POR: variants seen among roughly 807,000 people sequenced by gnomAD.
POR encodes NADPH--cytochrome P450 reductase.
POR carries 56 observed loss-of-function variants against 84.0 expected under a neutral mutation model. The ratio of observed to expected loss-of-function variants is 0.67; its 90% CI spans 0.54 to 0.83. POR has a LOEUF of 0.83. Ranked by LOEUF, POR falls within the 40% of genes least tolerant of loss-of-function variation. POR has a pLI of 0.00. For missense variants in POR, 938 were observed against 944.3 expected (o/e 0.99, Z 0.09); for synonymous variants, 414 against 400.5 (o/e 1.03, Z -0.40).
At position 75,935,538 on chromosome 7, in the gene POR, G is replaced by A. The variant is rs1368431164; in HGVS notation, c.-4-18451G>A. ...TGGGATTATAGGCTTGAGCCACTGC[G>A]CCTGGCTGGAGGGACCGGTTTTTTA... On this transcript the variant is annotated intron_variant, in intron 1 of 15. Coordinates refer to ENST00000461988, the MANE Select transcript of POR (RefSeq NM_000941.3). 5.3e-5 allele frequency among the ~76,000 whole-genome samples: 8 copies of A among 151,722 alleles called. No individual in the cohort carries two copies. In the South Asian group the frequency reaches 1.0e-3, roughly 20 times the overall value.
intron 1 of POR, among the ~76,000 whole-genome samples, chr7:75,953,080 G>T (rs1387613637): frequency 6.6e-6 from 1 of 152,194 alleles, no homozygotes; most frequent in African/African-American, 2.4e-5. Context: ...ACCTCGGGAG[G>T]CCGAGGCTGG....
chr7:75,963,401 A>C, intron 2 of POR, among the ~76,000 whole-genome samples: 1 of 152,172 alleles, frequency 6.6e-6, no homozygotes, highest in East Asian at 1.9e-4. Context: ...CTGACCTCCA[A>C]AGGGACCTCG....
At chr7:75,921,844 C>G (rs577361131) in intron 1 of POR, among the ~76,000 whole-genome samples, 66 of 151,948 alleles carry the variant, frequency 4.3e-4, no homozygotes, top group African/African-American at 1.4e-3. Flanking sequence ...GTAGCTGGCA[C>G]TACAGGCACG....
rs782815097 is a variant in POR at position 75,986,207 on chromosome 7, T to C, written c.1864T>C (p.Leu622=). ...GCAAGACCGAGAGCACCTGTGGAAG[T>C]TGATCGAAGGCGGTGCCCACATCTA... The change falls in exon 15 of 16, where the codon TTG becomes CTG. Residue 622 remains leucine (L), a synonymous_variant. Coordinates refer to ENST00000461988, the MANE Select transcript of POR (RefSeq NM_000941.3). The C allele has an allele frequency of 6.2e-7, 1 of 1,612,598 alleles. No homozygotes were observed. Among genetic ancestry groups the C allele is most frequent in the Non-Finnish European group, 8.5e-7 (1 of 1,179,770 alleles).
intron 2 of POR, among the ~76,000 whole-genome samples, chr7:75,963,578 GA>G (rs1235407276): frequency 1.3e-5 from 2 of 152,258 alleles, no homozygotes; most frequent in Non-Finnish European, 2.9e-5. Context: ...GGGTGCAGGA[GA>G]GGGAGCTGTG....
At chr7:75,969,795 C>T (rs1204803671) in intron 2 of POR, among the ~76,000 whole-genome samples, 11 of 152,212 alleles carry the variant, frequency 7.2e-5, no homozygotes, top group African/African-American at 1.4e-4. Context: ...GGAGGAGACA[C>T]GGCGTCCTGT....
intron 2 of POR, among the ~76,000 whole-genome samples, chr7:75,970,073 C>T (rs900214622): frequency 4.6e-5 from 7 of 152,086 alleles, no homozygotes; most frequent in Non-Finnish European, 7.4e-5. Context: ...CAGGGAGCCG[C>T]GTGGAAATGT....
At chr7:75,937,643 G>A (rs556340730) in intron 1 of POR, among the ~76,000 whole-genome samples, 1 of 150,178 alleles carries the variant, frequency 6.7e-6, no homozygotes, top group African/African-American at 2.4e-5. Context: ...TTAGCCAGGC[G>A]TGGTGGCAGG....
intron 3 of POR, among the ~76,000 whole-genome samples, chr7:75,979,192 C>T (rs1341952201): frequency 6.6e-6 from 1 of 152,194 alleles, no homozygotes; most frequent in Non-Finnish European, 1.5e-5. Context: ...TTTGTTTTTT[C>T]CCCGTGTCAT....
chr7:75,938,303 A>T (rs952334232), intron 1 of POR, among the ~76,000 whole-genome samples: 2 of 152,130 alleles, frequency 1.3e-5, no homozygotes, highest in Non-Finnish European at 2.9e-5. Context: ...GACTGCATTG[A>T]TATTAGGGGT....
chr7:75,969,467 G>A (rs1411056769), intron 2 of POR, among the ~76,000 whole-genome samples: 1 of 152,190 alleles, frequency 6.6e-6, no homozygotes, highest in Non-Finnish European at 1.5e-5. Context: ...AGGTTGTCTC[G>A]TTCTAGTCTC....
intron 1 of POR, among the ~76,000 whole-genome samples, chr7:75,945,994 C>T (rs138150139): frequency 1.2e-4 from 19 of 152,276 alleles, no homozygotes; most frequent in Middle Eastern, 3.4e-3. Context: ...GAGGCTCCTG[C>T]CAGTGCCCCC....
At chr7:75,944,466 G>T (rs1242863076) in intron 1 of POR, among the ~76,000 whole-genome samples, 5 of 152,234 alleles carry the variant, frequency 3.3e-5, no homozygotes, top group Admixed American at 3.3e-4. Context: ...CTGGGAGGCA[G>T]AGATTGCAGT....
At chr7:75,979,078 T>A (rs1195665840) in intron 3 of POR, among the ~76,000 whole-genome samples, 3 of 152,100 alleles carry the variant, frequency 2.0e-5, no homozygotes, top group Non-Finnish European at 4.4e-5. Context: ...ATCACAGGTG[T>A]GAGCCACCAC....
chr7:75,957,273 G>A (rs1393891651), intron 2 of POR, among the ~76,000 whole-genome samples: 1 of 152,144 alleles, frequency 6.6e-6, no homozygotes, highest in Non-Finnish European at 1.5e-5. Context: ...TAAAGGTAGA[G>A]CCACACCCTG....
At chr7:75,948,407 G>A (rs1787270746) in intron 1 of POR, among the ~76,000 whole-genome samples, 1 of 152,228 alleles carries the variant, frequency 6.6e-6, no homozygotes, top group Non-Finnish European at 1.5e-5. Flanking sequence ...CAGGAAGTCA[G>A]TCACAGCCTC....
chr7:75,966,747 C>T (rs954220376), intron 2 of POR, among the ~76,000 whole-genome samples: 6 of 152,170 alleles, frequency 3.9e-5, no homozygotes, highest in Non-Finnish European at 8.8e-5. Flanking sequence ...CGGTTCATCT[C>T]GGTCCAAGTG....
chr7:75,965,035 A>AT (rs1197762808), intron 2 of POR, among the ~76,000 whole-genome samples: 3 of 123,662 alleles, frequency 2.4e-5, no homozygotes, highest in African/African-American at 3.6e-5. Context: ...TAAAAAATCA[A>AT]TTTAAAAAAA....
intron 2 of POR, among the ~76,000 whole-genome samples, chr7:75,966,627 G>T (rs1489856916): frequency 6.6e-6 from 1 of 152,198 alleles, no homozygotes; most frequent in Non-Finnish European, 1.5e-5. Context: ...AAGGGCAGGG[G>T]ACAGTCTCAG....
Sources: gnomAD v4.1 joint callset for allele counts (sites outside exome capture counted in the v4.1 genomes callset) on GRCh38, gnomAD v4.1.1 for gene constraint, MANE v1.5 for transcripts, NCBI Gene and HGNC (gene_info 2026-07-23, HGNC 2026-07-21) for gene names.